CEMIP: variants seen among roughly 807,000 people sequenced by gnomAD.
CEMIP encodes cell migration inducing hyaluronidase 1.
CEMIP carries 105 observed loss-of-function variants against 156.9 expected under a neutral mutation model. That is an observed-to-expected ratio of 0.67 (90% CI 0.57 to 0.79). The LOEUF is 0.79. Among genes scored for constraint, CEMIP ranks in the 30% least tolerant of loss-of-function variants. CEMIP has a pLI of 0.00. For missense variants in CEMIP, 1,457 were observed against 1,769.4 expected (o/e 0.82, Z 3.17); for synonymous variants, 676 against 668.4 (o/e 1.01, Z -0.17).
intron 12 of CEMIP, among the ~76,000 whole-genome samples, chr15:80,900,586 GTGTGTGTGT>G (rs1899445511): frequency 3.4e-5 from 1 of 29,190 alleles, no homozygotes; most frequent in African/African-American, 1.2e-4. Flanking sequence ...CCAGGTAGGG[GTGTGTGTGT>G]GTGTGTGTGT....
At position 80,907,153 on chromosome 15, in the gene CEMIP, T is replaced by A. The variant is rs1033168416; in HGVS notation, c.1587+315T>A. 6.6e-5 allele frequency among the ~76,000 whole-genome samples: 10 copies of A among 152,362 alleles called. 1 individual carries two copies. Among genetic ancestry groups the A allele is most frequent in the Middle Eastern group, 6.8e-3 (2 of 294 alleles). On this transcript the variant is annotated intron_variant, in intron 13 of 29. Transcript: ENST00000394685. ...CTTGTCTTCATTATTTCATGATTAC[T>A]TCATTATTGCCCTGATCACTTCCTA...
chr15:80,860,395 G>A (rs1347228961), intron 1 of CEMIP, among the ~76,000 whole-genome samples: 1 of 152,188 alleles, frequency 6.6e-6, no homozygotes, highest in Non-Finnish European at 1.5e-5. Context: ...GAATATTAAG[G>A]ACAGTTGTAA....
At chr15:80,866,129 G>A (rs1319800492) in intron 1 of CEMIP, among the ~76,000 whole-genome samples, 2 of 152,156 alleles carry the variant, frequency 1.3e-5, no homozygotes, top group African/African-American at 4.8e-5. Flanking sequence ...GGACTTGATG[G>A]CACAGCAGGA....
chr15:80,868,789 C>A (rs11629743), intron 1 of CEMIP, among the ~76,000 whole-genome samples: 74,077 of 151,950 alleles, frequency 0.49, 18,915 homozygotes, highest in East Asian at 0.76. Flanking sequence ...ATAGTAAATT[C>A]GTCAATATAT....
intron 14 of CEMIP, among the ~76,000 whole-genome samples, chr15:80,918,231 T>C (rs1318528334): frequency 6.6e-6 from 1 of 151,838 alleles, no homozygotes; most frequent in Non-Finnish European, 1.5e-5. Context: ...GCCGAGATCA[T>C]GCCACTGCAC....
At chr15:80,867,252 T>C (rs1465406447) in intron 1 of CEMIP, among the ~76,000 whole-genome samples, 1 of 152,168 alleles carries the variant, frequency 6.6e-6, no homozygotes, top group Non-Finnish European at 1.5e-5. Context: ...TCCCCTACAC[T>C]GATAGGCATA....
chr15:80,818,464 T>C (rs184514902), intron 1 of CEMIP, among the ~76,000 whole-genome samples: 1 of 152,328 alleles, frequency 6.6e-6, no homozygotes, highest in Non-Finnish European at 1.5e-5. Context: ...AGTTTTAATT[T>C]TGGCACAGAC....
At position 80,779,621 on chromosome 15, in the gene CEMIP, G is replaced by C. The variant is rs183158454; in HGVS notation, c.-176+7G>C. 44 of 152,328 alleles carry C rather than the reference G, an allele frequency of 2.9e-4. No individual in the cohort carries two copies. The highest frequency in any genetic ancestry group is 1.0e-3 in the African/African-American group (43 of 41,560). 9.4% of individuals were successfully genotyped at this position (152,328 alleles called of 1,614,324 possible). A position where few individuals can be genotyped will look rare whatever the true frequency, so the allele number is the denominator to read the frequency against. On this transcript the variant is annotated splice_region_variant and intron_variant, in intron 1 of 29. Transcript: ENST00000394685. Reference sequence around the variant, plus strand: ...CTCGGCTACAGACCCAGAGGTAAGAGGGCCTGGCTGGGGGCGTCAGGGATG... The same window carrying C: ...CTCGGCTACAGACCCAGAGGTAAGACGGCCTGGCTGGGGGCGTCAGGGATG...
rs1477327632 is a variant in CEMIP at position 80,922,150 on chromosome 15, A to G, written c.2202+13A>G. The G allele has an allele frequency of 3.7e-6, 6 of 1,613,870 alleles. No homozygotes were observed. Among genetic ancestry groups the G allele is most frequent in the Admixed American group, 1.7e-5 (1 of 60,016 alleles). On this transcript the variant is annotated intron_variant, in intron 17 of 29. Transcript: ENST00000394685. Reference sequence around the variant, plus strand: ...TTCCAACTACCGGGTAAGTCTTTCCAGGCTGCGCCTCTCTGGCCAGCCTCT... The same window carrying G: ...TTCCAACTACCGGGTAAGTCTTTCCGGGCTGCGCCTCTCTGGCCAGCCTCT...
chr15:80,862,474 A>G (rs567159992), intron 1 of CEMIP, among the ~76,000 whole-genome samples: 43 of 152,338 alleles, frequency 2.8e-4, no homozygotes, highest in Non-Finnish European at 3.4e-4. Flanking sequence ...CCAGAGCAGC[A>G]TTCATTACCA....
At chr15:80,848,900 G>GCACACACACA (rs3221932) in intron 1 of CEMIP, among the ~76,000 whole-genome samples, 49,484 of 134,334 alleles carry the variant, frequency 0.37, 10,427 homozygotes, top group Middle Eastern at 0.52. Flanking sequence ...GTGTGCGCGT[G>GCACACACACA]CACACACACA....
At chr15:80,812,950 A>T (rs546684150) in intron 1 of CEMIP, among the ~76,000 whole-genome samples, 3 of 152,366 alleles carry the variant, frequency 2.0e-5, no homozygotes, top group African/African-American at 7.2e-5. Flanking sequence ...AGTTGGACAT[A>T]GCCATCCCTA....
At chr15:80,850,015 T>G (rs1421666986) in intron 1 of CEMIP, among the ~76,000 whole-genome samples, 1 of 152,158 alleles carries the variant, frequency 6.6e-6, no homozygotes, top group Non-Finnish European at 1.5e-5. Context: ...CACCGCAAGC[T>G]TTAGAACAAG....
intron 1 of CEMIP, among the ~76,000 whole-genome samples, chr15:80,813,350 A>ATTTT (rs34253400): frequency 7.7e-6 from 1 of 129,436 alleles, no homozygotes. Flanking sequence ...AGCAGTACGG[A>ATTTT]TTTTTTTTTT....
chr15:80,795,389 TG>T (rs1896195742), intron 1 of CEMIP, among the ~76,000 whole-genome samples: 2 of 150,594 alleles, frequency 1.3e-5, no homozygotes, highest in Non-Finnish European at 3.0e-5. Flanking sequence ...TGGGTTGGAG[TG>T]GAGGCAGTGG....
chr15:80,930,512 G>A (rs534197599), intron 21 of CEMIP, among the ~76,000 whole-genome samples: 1 of 152,240 alleles, frequency 6.6e-6, no homozygotes, highest in South Asian at 2.1e-4. Flanking sequence ...GCTGGGTCAG[G>A]GTCTGAAGTG....
At chr15:80,841,521 T>C (rs1342928104) in intron 1 of CEMIP, among the ~76,000 whole-genome samples, 1 of 152,234 alleles carries the variant, frequency 6.6e-6, no homozygotes, top group Non-Finnish European at 1.5e-5. Flanking sequence ...GGGCAAGGGA[T>C]ATGACTTCTA....
intron 13 of CEMIP, among the ~76,000 whole-genome samples, chr15:80,907,052 G>C (rs1214256546): frequency 1.3e-5 from 2 of 152,142 alleles, no homozygotes; most frequent in African/African-American, 4.8e-5. Context: ...AGATGATGGA[G>C]CTAACTCAGC....
At chr15:80,882,202 C>T (rs1391966278) in intron 6 of CEMIP, among the ~76,000 whole-genome samples, 3 of 152,190 alleles carry the variant, frequency 2.0e-5, no homozygotes, top group African/African-American at 2.4e-5. Context: ...CCAACCTTGC[C>T]GGTAAACATT....
Sources: allele counts gnomAD v4.1 joint callset (sites outside exome capture counted in the v4.1 genomes callset), GRCh38; gene constraint gnomAD v4.1.1; transcripts MANE v1.5; gene names NCBI Gene and HGNC (gene_info 2026-07-23, HGNC 2026-07-21).